The following SLC6A11 variants were observed in gnomAD, a reference collection of about 807,000 sequenced individuals.
SLC6A11 encodes sodium- and chloride-dependent GABA transporter 3.
In SLC6A11, 25 loss-of-function variants were observed where a neutral mutation model predicts 74.8. That is an observed-to-expected ratio of 0.33 (90% confidence interval 0.24 to 0.47). The LOEUF is 0.47. SLC6A11 is among the 20% of genes least tolerant of loss of function. The pLI is 1.00. For synonymous variants in SLC6A11, 330 were observed against 330.2 expected (o/e 1.00, Z 0.01); for missense variants, 574 against 837.0 (o/e 0.69, Z 3.88).
intron 10 of SLC6A11, among the ~76,000 whole-genome samples, chr3:10,930,550 G>A (rs893336365): frequency 5.3e-5 from 8 of 152,158 alleles, no homozygotes; most frequent in African/African-American, 1.2e-4. Context: ...CTCCCCACTC[G>A]GAGAAACCAG....
At chr3:10,853,110 G>A (rs1360364182) in intron 5 of SLC6A11, among the ~76,000 whole-genome samples, 1 of 152,174 alleles carries the variant, frequency 6.6e-6, no homozygotes, top group Non-Finnish European at 1.5e-5. Flanking sequence ...GTCGTTACTT[G>A]TGAAAGAACG....
At chr3:10,894,730 C>G (rs1166461469) in intron 6 of SLC6A11, among the ~76,000 whole-genome samples, 6 of 152,168 alleles carry the variant, frequency 3.9e-5, no homozygotes, top group Non-Finnish European at 7.3e-5. Flanking sequence ...AGCATGGTGA[C>G]ATAGGCAATA....
chr3:10,880,584 G>T (rs1038574940), intron 6 of SLC6A11, among the ~76,000 whole-genome samples: 70 of 152,178 alleles, frequency 4.6e-4, no homozygotes, highest in Non-Finnish European at 1.5e-4. Context: ...GAGTCAGAGG[G>T]CTGAGCCTCA....
intron 6 of SLC6A11, among the ~76,000 whole-genome samples, chr3:10,891,467 G>T (rs913163020): frequency 6.6e-6 from 1 of 152,312 alleles, no homozygotes; most frequent in East Asian, 1.9e-4. Context: ...TCATGTGTCA[G>T]TGGTGGTGAT....
intron 5 of SLC6A11, among the ~76,000 whole-genome samples, chr3:10,857,581 A>G (rs1376733024): frequency 6.6e-6 from 1 of 152,184 alleles, no homozygotes; most frequent in Non-Finnish European, 1.5e-5. Flanking sequence ...AAGCCAGAGA[A>G]GAGCCTTATC....
intron 6 of SLC6A11, among the ~76,000 whole-genome samples, chr3:10,879,918 C>G (rs569540693): frequency 6.6e-6 from 1 of 152,038 alleles, no homozygotes; most frequent in Admixed American, 6.5e-5. Context: ...ACATACTCAA[C>G]CTGTACATAC....
At chr3:10,908,537 A>T (rs1037904696) in intron 6 of SLC6A11, among the ~76,000 whole-genome samples, 2 of 151,660 alleles carry the variant, frequency 1.3e-5, no homozygotes, top group South Asian at 4.2e-4. Flanking sequence ...TAAGCCCAAC[A>T]TGCCCTCTTT....
chr3:10,846,058 C>T (rs766421186), intron 5 of SLC6A11, among the ~76,000 whole-genome samples: 7 of 152,140 alleles, frequency 4.6e-5, no homozygotes, highest in Non-Finnish European at 1.0e-4. Flanking sequence ...GAGCTTACCA[C>T]CACATGGGGT....
intron 6 of SLC6A11, among the ~76,000 whole-genome samples, chr3:10,887,949 G>A (rs1040929695): frequency 1.3e-5 from 2 of 152,220 alleles, no homozygotes; most frequent in Non-Finnish European, 2.9e-5. Flanking sequence ...AACCTTGACT[G>A]CAAAGCCAGA....
intron 4 of SLC6A11, among the ~76,000 whole-genome samples, chr3:10,842,576 C>G (rs1209529689): frequency 1.3e-5 from 2 of 152,206 alleles, no homozygotes; most frequent in African/African-American, 4.8e-5. Context: ...ACAGTTGTTA[C>G]TATAATTAAA....
intron 5 of SLC6A11, among the ~76,000 whole-genome samples, chr3:10,862,695 C>T (rs1694717091): frequency 6.6e-6 from 1 of 152,178 alleles, no homozygotes; most frequent in African/African-American, 2.4e-5. Flanking sequence ...ACATGCTGTG[C>T]CTCCTTCAAA....
At chr3:10,837,431 C>T (rs1040721350) in intron 4 of SLC6A11, among the ~76,000 whole-genome samples, 4 of 152,132 alleles carry the variant, frequency 2.6e-5, no homozygotes, top group African/African-American at 9.7e-5. Context: ...CCATCTTTCC[C>T]AAGACAGGGC....
At chr3:10,824,289 G>C (rs1019455472) in intron 4 of SLC6A11, 1 of 152,178 alleles carries the variant, frequency 6.6e-6, no homozygotes, top group African/African-American at 2.4e-5. Context: ...TCAAAGGCTG[G>C]ACTAAATGCT....
rs1695603668 is a variant in SLC6A11 at position 10,926,155 on chromosome 3, G to A, written c.1233+39G>A. On this transcript the variant is annotated intron_variant, in intron 9 of 13. Transcript: ENST00000254488. This position sits in a 1 kb window ranked among gnomAD's most constrained non-coding sequence, Gnocchi z 5.7. ...GGGATGGGGAGCCCAGGAGGGAGGG[G>A]AGCCTGGGCCAGGAGGCCAGACGCC... 3 of 1,409,576 alleles carry A rather than the reference G, an allele frequency of 2.1e-6. No homozygotes were observed. The highest frequency in any genetic ancestry group is 3.0e-6 in the Non-Finnish European group (3 of 1,003,162). 87.3% of individuals were successfully genotyped at this position (1,409,576 alleles called of 1,614,324 possible). A position where few individuals can be genotyped will look rare whatever the true frequency, so the allele number is the denominator to read the frequency against.
chr3:10,821,921 G>A (rs1694143241), intron 3 of SLC6A11, among the ~76,000 whole-genome samples: 1 of 152,112 alleles, frequency 6.6e-6, no homozygotes, highest in Admixed American at 6.5e-5. Flanking sequence ...CAGAAATCTT[G>A]CTGACAATTT....
At chr3:10,895,166 G>A (rs972302036) in intron 6 of SLC6A11, among the ~76,000 whole-genome samples, 1 of 152,058 alleles carries the variant, frequency 6.6e-6, no homozygotes, top group Non-Finnish European at 1.5e-5. Flanking sequence ...CCAAGGGCTG[G>A]GTTTCTGCTG....
chr3:10,883,768 C>T (rs901850936), intron 6 of SLC6A11, among the ~76,000 whole-genome samples: 6 of 152,012 alleles, frequency 3.9e-5, no homozygotes, highest in African/African-American at 1.5e-4. Flanking sequence ...GGCTGTTGGA[C>T]TTTCAAACAA....
chr3:10,925,256 A>T (rs1203381856), intron 8 of SLC6A11, among the ~76,000 whole-genome samples: 4 of 152,368 alleles, frequency 2.6e-5, no homozygotes, highest in East Asian at 1.9e-4. Context: ...TTAAGCATTT[A>T]CCTGCTTCAG....
At chr3:10,846,234 G>A (rs1694500943) in intron 5 of SLC6A11, among the ~76,000 whole-genome samples, 2 of 152,126 alleles carry the variant, frequency 1.3e-5, no homozygotes, top group Admixed American at 1.3e-4. Context: ...TTATTCAATG[G>A]GTTTCTAAAG....
Sources: gnomAD v4.1 joint callset for allele counts (sites outside exome capture counted in the v4.1 genomes callset) on GRCh38, gnomAD v4.1.1 for gene constraint, Gnocchi (gnomAD v3.1) non-coding constraint, MANE v1.5 for transcripts, NCBI Gene and HGNC (gene_info 2026-07-23, HGNC 2026-07-21) for gene names.